Variants in PDE1A observed in about 807,000 individuals in gnomAD.
The protein encoded by PDE1A is phosphodiesterase 1A.
Under a neutral mutation model 61.7 loss-of-function variants are expected in PDE1A, and 35 were observed. The observed-to-expected ratio is 0.57, with a 90% CI of 0.43 to 0.75. The LOEUF (loss-of-function observed/expected upper bound fraction) is 0.75. PDE1A is among the 30% of genes least tolerant of loss of function. The pLI, the probability that PDE1A is intolerant of heterozygous loss-of-function variation, is 0.00. For missense variants in PDE1A, 597 were observed against 630.6 expected (o/e 0.95, Z 0.57); for synonymous variants, 232 against 213.2 (o/e 1.09, Z -0.77).
the PDE1A span, among the ~76,000 whole-genome samples, chr2:182,652,215 C>T: frequency 6.6e-6 from 1 of 152,126 alleles, no homozygotes; most frequent in Non-Finnish European, 1.5e-5. Context: ...AATGTTTTCT[C>T]CTCACATATA....
chr2:182,436,724 A>G (rs1327301987), intron 2 of PDE1A, among the ~76,000 whole-genome samples: 1 of 151,970 alleles, frequency 6.6e-6, no homozygotes, highest in African/African-American at 2.4e-5. Flanking sequence ...AACACACCCA[A>G]AAGGTAGAAT....
chr2:182,379,869 T>G (rs1356556574), intron 1 of PDE1A, among the ~76,000 whole-genome samples: 1 of 152,184 alleles, frequency 6.6e-6, no homozygotes, highest in East Asian at 1.9e-4. Context: ...GAGGAGCCCC[T>G]TACTTTGTAG....
At chr2:182,228,658 C>T (rs1689327768) in intron 6 of PDE1A, among the ~76,000 whole-genome samples, 1 of 152,072 alleles carries the variant, frequency 6.6e-6, no homozygotes, top group Admixed American at 6.6e-5. Context: ...GACAGTGTAA[C>T]CTAGTTTAGA....
the PDE1A span, among the ~76,000 whole-genome samples, chr2:182,667,812 G>A: frequency 6.6e-6 from 1 of 152,168 alleles, no homozygotes; most frequent in East Asian, 1.9e-4. Context: ...CCCAAAATGA[G>A]AGATTTTATA....
intron 1 of PDE1A, among the ~76,000 whole-genome samples, chr2:182,325,947 A>T (rs1176165511): frequency 6.6e-6 from 1 of 152,106 alleles, no homozygotes; most frequent in Non-Finnish European, 1.5e-5. Context: ...CGACAAAAAC[A>T]AACAAACCAG....
chr2:182,517,465 T>C (rs1690278932), intron 2 of PDE1A, among the ~76,000 whole-genome samples: 1 of 152,192 alleles, frequency 6.6e-6, no homozygotes, highest in African/African-American at 2.4e-5. Context: ...TATTCATTCA[T>C]TGACTTAAAA....
At chr2:182,392,975 G>A (rs985229941) in intron 1 of PDE1A, among the ~76,000 whole-genome samples, 10 of 152,226 alleles carry the variant, frequency 6.6e-5, no homozygotes, top group African/African-American at 2.4e-4. Context: ...AGCTGTTTGT[G>A]GATCTACCAT....
chr2:182,558,404 C>G, the PDE1A span, among the ~76,000 whole-genome samples: 1 of 152,006 alleles, frequency 6.6e-6, no homozygotes, highest in African/African-American at 2.4e-5. Context: ...TTAATGGCTA[C>G]TCCATATCTC....
intron 1 of PDE1A, among the ~76,000 whole-genome samples, chr2:182,264,887 ATATATG>A (rs886936500): frequency 1.4e-5 from 2 of 141,384 alleles, no homozygotes; most frequent in East Asian, 4.2e-4. Flanking sequence ...ACATATATAT[ATATATG>A]TATATATATA....
intron 1 of PDE1A, among the ~76,000 whole-genome samples, chr2:182,357,546 C>A (rs1699266166): frequency 1.3e-5 from 2 of 152,072 alleles, no homozygotes. Context: ...TATTTTACTG[C>A]CAACAGATTT....
intron 2 of PDE1A, among the ~76,000 whole-genome samples, chr2:182,263,569 T>G (rs1692385084): frequency 6.6e-6 from 1 of 152,148 alleles, no homozygotes; most frequent in African/African-American, 2.4e-5. Flanking sequence ...CCCCACAGGT[T>G]CCCTCTTAGC....
chr2:182,665,629 T>C, the PDE1A span, among the ~76,000 whole-genome samples: 49 of 152,166 alleles, frequency 3.2e-4, no homozygotes, highest in Non-Finnish European at 5.9e-4. Context: ...GAATGTAAAT[T>C]AGTTCAACTA....
chr2:182,409,902 T>C (rs1278279670), intron 1 of PDE1A, among the ~76,000 whole-genome samples: 1 of 152,188 alleles, frequency 6.6e-6, no homozygotes, highest in Non-Finnish European at 1.5e-5. Context: ...TCATAATCAA[T>C]AGTAAGGATA....
chr2:182,478,998 T>C (rs1687541905), intron 2 of PDE1A, among the ~76,000 whole-genome samples: 1 of 151,916 alleles, frequency 6.6e-6, no homozygotes, highest in Admixed American at 6.6e-5. Context: ...TATTTTTATA[T>C]ACCATCTTGC....
chr2:182,247,301 A>G (rs1245055047), intron 2 of PDE1A, among the ~76,000 whole-genome samples: 1 of 152,208 alleles, frequency 6.6e-6, no homozygotes, highest in Non-Finnish European at 1.5e-5. Context: ...CAAGAAACTC[A>G]GTATTTCTGT....
the PDE1A span, among the ~76,000 whole-genome samples, chr2:182,590,982 C>T: frequency 6.6e-6 from 1 of 152,136 alleles, no homozygotes; most frequent in South Asian, 2.1e-4. Context: ...GGAACTATAA[C>T]AATGCCTCAT....
the PDE1A span, among the ~76,000 whole-genome samples, chr2:182,594,183 A>T: frequency 1.3e-5 from 2 of 152,154 alleles, no homozygotes; most frequent in Non-Finnish European, 2.9e-5. Context: ...CCTAGTCCTA[A>T]ATTTTTCATT....
At chr2:182,550,160 C>G in the PDE1A span, among the ~76,000 whole-genome samples, 1 of 152,168 alleles carries the variant, frequency 6.6e-6, no homozygotes, top group African/African-American at 2.4e-5. Flanking sequence ...CTAGAGAATT[C>G]TTCCTATAAA....
At chr2:182,533,426 G>A in the PDE1A span, among the ~76,000 whole-genome samples, 84 of 152,206 alleles carry the variant, frequency 5.5e-4, no homozygotes, top group African/African-American at 1.7e-3. Context: ...ATTCCCATTT[G>A]ATAATCTTCT....
Sources: allele counts gnomAD v4.1 joint callset (sites outside exome capture counted in the v4.1 genomes callset), GRCh38; gene constraint gnomAD v4.1.1; transcripts MANE v1.5; gene names NCBI Gene and HGNC (gene_info 2026-07-23, HGNC 2026-07-21).